Variants in FAM20B observed in about 807,000 individuals in gnomAD.
The protein encoded by FAM20B is FAM20B glycosaminoglycan xylosylkinase.
FAM20B carries 23 observed loss-of-function variants against 43.8 expected under a neutral mutation model. The observed-to-expected ratio is 0.53, with a 90% CI of 0.38 to 0.74. The LOEUF (loss-of-function observed/expected upper bound fraction) is 0.74. Among genes scored for constraint, FAM20B ranks in the 30% least tolerant of loss-of-function variants. The probability of loss-of-function intolerance (pLI) is 0.00; values close to 1 mark genes in which losing one functional copy is unlikely to be tolerated. For synonymous variants in FAM20B, 178 were observed against 192.4 expected, an observed-to-expected ratio of 0.93 and a Z score of 0.62; for missense variants, 440 against 510.5, an observed-to-expected ratio of 0.86 and a Z score of 1.33.
chr1:179,022,988 C>G (rs775564491), upstream of FAM20B, among the ~76,000 whole-genome samples: 3 of 152,156 alleles, frequency 2.0e-5, no homozygotes, highest in Non-Finnish European at 2.9e-5. Flanking sequence ...TCAATGTGAT[C>G]ACAACCATGA....
chr1:179,035,186 A>G, intron 1 of FAM20B: 1 of 401,258 alleles, frequency 2.5e-6, no homozygotes, highest in South Asian at 2.2e-5. Context: ...GTAGACCCCC[A>G]CACCAACATG....
At chr1:179,034,629 C>A (rs1421494641) in intron 1 of FAM20B, among the ~76,000 whole-genome samples, 1 of 152,204 alleles carries the variant, frequency 6.6e-6, no homozygotes, top group Non-Finnish European at 1.5e-5. Flanking sequence ...CTATACTCAC[C>A]AAACCTTCAG....
intron 1 of FAM20B, among the ~76,000 whole-genome samples, chr1:179,040,608 G>A (rs1475105464): frequency 8.0e-6 from 1 of 124,884 alleles, no homozygotes; most frequent in African/African-American, 3.0e-5. Flanking sequence ...CCCAGTAGGG[G>A]CGGCCGGGCA....
intron 6 of FAM20B, among the ~76,000 whole-genome samples, chr1:179,065,777 C>G (rs949549571): frequency 2.0e-5 from 3 of 152,148 alleles, no homozygotes; most frequent in Non-Finnish European, 4.4e-5. Context: ...CCACTCGGGC[C>G]GCTATAACAA....
intron 3 of FAM20B, among the ~76,000 whole-genome samples, chr1:179,053,858 G>A (rs1651108766): frequency 6.6e-6 from 1 of 152,206 alleles, no homozygotes; most frequent in Non-Finnish European, 1.5e-5. Flanking sequence ...TTATATGCCA[G>A]AATGTCAGCA....
intron 1 of FAM20B, among the ~76,000 whole-genome samples, chr1:179,038,895 CTGCTTCCTTCATGAA>C: frequency 6.6e-6 from 1 of 152,344 alleles, no homozygotes; most frequent in East Asian, 1.9e-4. Context: ...CTCTCACTTT[CTGCTTCCTTCATGAA>C]CAGAAAAGGA....
chr1:179,036,160 C>T (rs1160531960), intron 1 of FAM20B, among the ~76,000 whole-genome samples: 1 of 151,974 alleles, frequency 6.6e-6, no homozygotes, highest in Non-Finnish European at 1.5e-5. Context: ...GTAAATTAGC[C>T]TCCGTAGCAA....
At chr1:179,065,020 T>A (rs2102522859) in intron 6 of FAM20B, among the ~76,000 whole-genome samples, 1 of 152,324 alleles carries the variant, frequency 6.6e-6, no homozygotes, top group East Asian at 1.9e-4. Flanking sequence ...TTATCTTGAA[T>A]AAAAAATGTT....
intron 6 of FAM20B, 51 bp from the exon 7 acceptor site, chr1:179,066,746 TAAG>T (rs1292625449): frequency 2.5e-6 from 3 of 1,224,286 alleles, no homozygotes; most frequent in Non-Finnish European, 3.6e-6. Flanking sequence ...GCTTTGATGC[TAAG>T]AAGAGAACAG....
chr1:179,069,722 A>T (rs1557880541), intron 7 of FAM20B, among the ~76,000 whole-genome samples: 1 of 152,190 alleles, frequency 6.6e-6, no homozygotes, highest in Non-Finnish European at 1.5e-5. Context: ...AAGTAACATA[A>T]TAACTTAGTC....
Position 179,054,657 on chromosome 1 carries a change from A to T in FAM20B, c.574+19A>T, listed in dbSNP as rs1222624788. 7.0e-6 allele frequency: 10 copies of T among 1,423,552 alleles called. No homozygotes were observed. Among genetic ancestry groups the T allele is most frequent in the Non-Finnish European group, 9.9e-6 (10 of 1,009,772 alleles). 88.2% of individuals were successfully genotyped at this position (1,423,552 alleles called of 1,614,324 possible). On this transcript the variant is annotated intron_variant, in intron 4 of 7. Transcript: ENST00000263733. ...ACTGTAGGTAAGAAGATTGTAGAGG[A>T]CATTTATATAGGGGAATGATTAATA...
At chr1:179,064,553 C>A in intron 6 of FAM20B, 57 bp downstream of exon 6, 2 of 1,373,140 alleles carry the variant, frequency 1.5e-6, no homozygotes, top group Non-Finnish European at 1.0e-6. Flanking sequence ...GAAAGAAGGG[C>A]ATTTTCCAGA....
chr1:179,040,956 G>A (rs1650484170), intron 1 of FAM20B, among the ~76,000 whole-genome samples: 1 of 148,908 alleles, frequency 6.7e-6, no homozygotes, highest in East Asian at 2.0e-4. Context: ...CCGGGCAGAG[G>A]CGCTCCTCAC....
chr1:179,044,460 T>G (rs1650683425), intron 2 of FAM20B, among the ~76,000 whole-genome samples: 1 of 152,212 alleles, frequency 6.6e-6, no homozygotes, highest in African/African-American at 2.4e-5. Context: ...TTTTTCCCTC[T>G]CTGCCCCAGA....
chr1:179,031,538 A>G (rs1364656038), intron 1 of FAM20B, among the ~76,000 whole-genome samples: 1 of 152,192 alleles, frequency 6.6e-6, no homozygotes, highest in African/African-American at 2.4e-5. Context: ...TTACTTTCAC[A>G]TCCAGCAAGA....
Position 179,073,276 on chromosome 1 carries a change from G to A in FAM20B, c.*1132G>A, listed in dbSNP as rs1289687931. ...ACTTATCTTGTGATTTGGGGCCATGGAAGATTGGAAACAAAGATTTTAAGC... is the reference window on the plus strand; with the variant it reads ...ACTTATCTTGTGATTTGGGGCCATGAAAGATTGGAAACAAAGATTTTAAGC... On this transcript the variant is annotated 3_prime_UTR_variant, in exon 8 of 8. Transcript: ENST00000263733. 6.6e-6 allele frequency: 1 copy of A among 152,180 alleles called. No individual in the cohort carries two copies. The highest frequency in any genetic ancestry group is 6.5e-5 in the Admixed American group (1 of 15,270). 9.4% of individuals were successfully genotyped at this position (152,180 alleles called of 1,614,324 possible). A position where few individuals can be genotyped will look rare whatever the true frequency, so the allele number is the denominator to read the frequency against.
chr1:179,030,613 T>C (rs1281475818), intron 1 of FAM20B, among the ~76,000 whole-genome samples: 3 of 152,242 alleles, frequency 2.0e-5, no homozygotes, highest in African/African-American at 7.2e-5. Flanking sequence ...ATCTTTTATA[T>C]ACTGTATACT....
At chr1:179,025,247 G>A (rs1311216722), upstream of FAM20B, among the ~76,000 whole-genome samples, 1 of 152,148 alleles carries the variant, frequency 6.6e-6, no homozygotes, top group Admixed American at 6.5e-5. Context: ...TGGGGCTTAC[G>A]GTCCTTAGCA....
At chr1:179,040,981 C>G (rs144278787) in intron 1 of FAM20B, among the ~76,000 whole-genome samples, 77,427 of 140,528 alleles carry the variant, frequency 0.55, 22,816 homozygotes, top group African/African-American at 0.77. Context: ...CAGACGGGGC[C>G]GGCGGGCAGA....
Sources: allele counts gnomAD v4.1 joint callset (sites outside exome capture counted in the v4.1 genomes callset), GRCh38; gene constraint gnomAD v4.1.1; transcripts MANE v1.5; gene names NCBI Gene and HGNC (gene_info 2026-07-23, HGNC 2026-07-21).